Variants in GPC5 observed in about 807,000 individuals in gnomAD.
GPC5 encodes the protein glypican 5.
Under a neutral mutation model 53.9 loss-of-function variants are expected in GPC5, and 47 were observed. The observed-to-expected ratio is 0.87, with a 90% CI of 0.69 to 1.11. The LOEUF is 1.11. Among genes scored for constraint, GPC5 ranks in the 50% most tolerant of loss-of-function variants. The probability of loss-of-function intolerance (pLI) is 0.00; values close to 1 mark genes in which losing one functional copy is unlikely to be tolerated. For synonymous variants in GPC5, 286 were observed against 263.3 expected, an observed-to-expected ratio of 1.09 and a Z score of -0.84; for missense variants, 748 against 713.1, an observed-to-expected ratio of 1.05 and a Z score of -0.56.
intron 7 of GPC5, chr13:92,241,354 A>G (rs972095976): frequency 3.3e-5 from 5 of 152,190 alleles, no homozygotes; most frequent in African/African-American, 1.2e-4. Flanking sequence ...GTTTCAGCAA[A>G]GTTGAGATGT....
chr13:92,651,243 G>GAA lies in GPC5; in HGVS notation c.1562-215031_1562-215030dup, dbSNP rs34184523. Among the ~76,000 whole-genome samples the GAA allele has an allele frequency of 8.1e-4, 121 of 150,218 alleles. 1 individual carries two copies. The East Asian group carries it at 0.015, about 19-fold the overall frequency. Reference sequence around the variant, plus strand: ...CTGACCAATACACCATATGAAAATTGAAAAAAAAATAGAGTTACTTTGTAG... The same window carrying GAA: ...CTGACCAATACACCATATGAAAATTGAAAAAAAAAAATAGAGTTACTTTGTAG... On this transcript the variant is annotated intron_variant, in intron 7 of 7. Coordinates refer to ENST00000377067, the MANE Select transcript of GPC5 (RefSeq NM_004466.6).
chr13:91,719,933 A>G (rs549363263), intron 3 of GPC5, among the ~76,000 whole-genome samples: 2 of 152,304 alleles, frequency 1.3e-5, no homozygotes, highest in Admixed American at 6.5e-5. Flanking sequence ...GGATAAAGCT[A>G]TAAAGAAAGG....
intron 7 of GPC5, among the ~76,000 whole-genome samples, chr13:92,400,317 G>T (rs74760961): frequency 2.0e-5 from 3 of 152,098 alleles, no homozygotes; most frequent in Non-Finnish European, 4.4e-5. Flanking sequence ...TTAGAATAAC[G>T]TAAAAACAGT....
chr13:91,546,688 A>G (rs560812965), intron 2 of GPC5, among the ~76,000 whole-genome samples: 7 of 152,214 alleles, frequency 4.6e-5, no homozygotes, highest in African/African-American at 1.4e-4. Context: ...TGGAAAAATG[A>G]CCAGCAAAAT....
At chr13:92,285,675 A>C (rs1483283577) in intron 7 of GPC5, among the ~76,000 whole-genome samples, 3 of 152,218 alleles carry the variant, frequency 2.0e-5, no homozygotes, top group Non-Finnish European at 4.4e-5. Flanking sequence ...TGCTGGGAAA[A>C]CTGGCTAGCC....
chr13:92,438,209 G>A (rs1326866417), intron 7 of GPC5, among the ~76,000 whole-genome samples: 2 of 151,692 alleles, frequency 1.3e-5, no homozygotes, highest in African/African-American at 4.8e-5. Flanking sequence ...AGCTGTATAA[G>A]GAATTATCAT....
At chr13:92,267,489 T>G (rs2042810648) in intron 7 of GPC5, among the ~76,000 whole-genome samples, 1 of 152,122 alleles carries the variant, frequency 6.6e-6, no homozygotes, top group African/African-American at 2.4e-5. Flanking sequence ...GGTTTTTCAT[T>G]CTGTTTCATT....
chr13:92,392,639 T>C (rs1470654910), intron 7 of GPC5, among the ~76,000 whole-genome samples: 1 of 152,062 alleles, frequency 6.6e-6, no homozygotes. Context: ...GGAGAAAATA[T>C]TTGCAAACTA....
chr13:92,393,090 A>G (rs1404363590), intron 7 of GPC5, among the ~76,000 whole-genome samples: 3 of 152,194 alleles, frequency 2.0e-5, no homozygotes, highest in African/African-American at 7.2e-5. Flanking sequence ...TCATAAAGAC[A>G]CATGCATGTG....
At chr13:91,564,582 T>C (rs964067515) in intron 2 of GPC5, among the ~76,000 whole-genome samples, 1 of 152,186 alleles carries the variant, frequency 6.6e-6, no homozygotes, top group African/African-American at 2.4e-5. Context: ...CAAAGCAATC[T>C]CATGAGCATG....
intron 2 of GPC5, among the ~76,000 whole-genome samples, chr13:91,612,361 A>G (rs978325874): frequency 1.3e-5 from 2 of 152,218 alleles, no homozygotes; most frequent in Non-Finnish European, 2.9e-5. Context: ...GAAATGCAGT[A>G]AGACGCATCC....
intron 6 of GPC5, among the ~76,000 whole-genome samples, chr13:92,119,489 C>A (rs1185757995): frequency 2.0e-5 from 3 of 148,726 alleles, no homozygotes; most frequent in Non-Finnish European, 4.5e-5. Flanking sequence ...GGCTCCGCCC[C>A]CCGGGGTTCA....
At chr13:91,405,849 C>T (rs1048863637) in intron 1 of GPC5, among the ~76,000 whole-genome samples, 4 of 152,198 alleles carry the variant, frequency 2.6e-5, no homozygotes, top group African/African-American at 4.8e-5. Flanking sequence ...CAGCTCACTG[C>T]AGCTTTGACC....
intron 7 of GPC5, among the ~76,000 whole-genome samples, chr13:92,207,958 T>C (rs1390568999): frequency 6.6e-6 from 1 of 152,200 alleles, no homozygotes; most frequent in African/African-American, 2.4e-5. Flanking sequence ...ATTAAACTTG[T>C]CCCCCATGTA....
At chr13:92,127,086 G>C (rs2041704333) in intron 6 of GPC5, among the ~76,000 whole-genome samples, 1 of 151,944 alleles carries the variant, frequency 6.6e-6, no homozygotes. Context: ...AGTATTGATT[G>C]AGAAAGAATT....
At chr13:92,811,662 ACATTT>A (rs1437792634) in intron 7 of GPC5, among the ~76,000 whole-genome samples, 6 of 151,942 alleles carry the variant, frequency 3.9e-5, no homozygotes, top group Admixed American at 3.9e-4. Context: ...CTTTAATGTT[ACATTT>A]AAGAATTACC....
At chr13:91,583,038 A>G (rs2032427300) in intron 2 of GPC5, among the ~76,000 whole-genome samples, 1 of 152,170 alleles carries the variant, frequency 6.6e-6, no homozygotes, top group Non-Finnish European at 1.5e-5. Context: ...TATTTATAGT[A>G]AAAACATTTA....
intron 1 of GPC5, among the ~76,000 whole-genome samples, chr13:91,400,673 G>C (rs568549877): frequency 5.3e-5 from 8 of 152,210 alleles, no homozygotes; most frequent in Admixed American, 5.2e-4. Flanking sequence ...TGGTAACTTT[G>C]CCTGCTATGT....
intron 7 of GPC5, among the ~76,000 whole-genome samples, chr13:92,159,995 T>G (rs569249095): frequency 6.6e-6 from 1 of 152,112 alleles, no homozygotes; most frequent in South Asian, 2.1e-4. Context: ...CTCTGCCTCC[T>G]GGGTTCAAGC....
Sources: allele counts gnomAD v4.1 joint callset (sites outside exome capture counted in the v4.1 genomes callset), GRCh38; gene constraint gnomAD v4.1.1; transcripts MANE v1.5; gene names NCBI Gene and HGNC (gene_info 2026-07-23, HGNC 2026-07-21).